ADCK1: variants seen among roughly 807,000 people sequenced by gnomAD.
The protein encoded by ADCK1 is aarF domain-containing protein kinase 1.
ADCK1 carries 41 observed loss-of-function variants against 52.3 expected under a neutral mutation model. The ratio of observed to expected loss-of-function variants is 0.78; its 90% CI spans 0.61 to 1.02. The LOEUF (loss-of-function observed/expected upper bound fraction) is 1.02, where lower values mean the gene tolerates loss of function less well. Among genes scored for constraint, ADCK1 ranks in the 50% least tolerant of loss-of-function variants. The probability of loss-of-function intolerance (pLI) is 0.00; values close to 1 mark genes in which losing one functional copy is unlikely to be tolerated. For missense variants in ADCK1, 658 were observed against 679.5 expected (o/e 0.97, Z 0.35); for synonymous variants, 250 against 274.6 (o/e 0.91, Z 0.89).
intron 1 of ADCK1, among the ~76,000 whole-genome samples, chr14:77,814,695 CAAAAAAA>C (rs995163952): frequency 1.4e-4 from 5 of 35,922 alleles, no homozygotes; most frequent in Non-Finnish European, 2.7e-4. Flanking sequence ...AAGACACTCT[CAAAAAAA>C]AAAAAAAAAA....
At chr14:77,804,388 A>T (rs2081174004) in intron 1 of ADCK1, among the ~76,000 whole-genome samples, 1 of 152,228 alleles carries the variant, frequency 6.6e-6, no homozygotes, top group South Asian at 2.1e-4. Context: ...TTTAGATGCC[A>T]TTCGGCTCCT....
chr14:77,801,516 T>C (rs1042182221), intron 1 of ADCK1, among the ~76,000 whole-genome samples: 2 of 152,256 alleles, frequency 1.3e-5, no homozygotes, highest in Admixed American at 1.3e-4. Flanking sequence ...TCTACCTTAT[T>C]GGGTCATTCT....
At chr14:77,858,895 C>T (rs545812747) in intron 3 of ADCK1, among the ~76,000 whole-genome samples, 181 bp from the exon 4 acceptor site, 1 of 152,036 alleles carries the variant, frequency 6.6e-6, no homozygotes, top group Admixed American at 6.5e-5. Flanking sequence ...TTGACTGCCC[C>T]GTGTACCAGG....
chr14:77,931,042 G>T (rs2084318145), intron 9 of ADCK1, among the ~76,000 whole-genome samples: 1 of 152,186 alleles, frequency 6.6e-6, no homozygotes, highest in Non-Finnish European at 1.5e-5. Context: ...TCTCATGCGA[G>T]GACAGTGGTA....
At chr14:77,880,356 G>C (rs2082995455) in intron 4 of ADCK1, among the ~76,000 whole-genome samples, 1 of 152,232 alleles carries the variant, frequency 6.6e-6, no homozygotes, top group South Asian at 2.1e-4. Context: ...AGGGCCTCAG[G>C]TTCTGCTGCT....
rs1242874503 is a variant in ADCK1 at position 77,933,424 on chromosome 14, C to G, written c.*33C>G. 6.2e-7 allele frequency: 1 copy of G among 1,607,586 alleles called. No individual in the cohort carries two copies. The highest frequency in any genetic ancestry group is 1.3e-5 in the African/African-American group (1 of 74,908). ...TGCTCTCCCTGCCCCATTCTGGTGT[C>G]TTTCCACTCCTCAGCCCCTCATCTT... On this transcript the variant is annotated 3_prime_UTR_variant, in exon 11 of 11. Coordinates refer to ENST00000238561, the MANE Select transcript of ADCK1 (RefSeq NM_020421.4).
chr14:77,833,306 G>A (rs1433589704), intron 3 of ADCK1, among the ~76,000 whole-genome samples: 2 of 152,188 alleles, frequency 1.3e-5, no homozygotes, highest in African/African-American at 4.8e-5. Context: ...ACCTGTCATG[G>A]AATCTTTTCA....
At chr14:77,916,246 C>G (rs1232045744) in intron 7 of ADCK1, among the ~76,000 whole-genome samples, 1 of 152,036 alleles carries the variant, frequency 6.6e-6, no homozygotes, top group Non-Finnish European at 1.5e-5. Flanking sequence ...CCCACCTGCT[C>G]TGGTATCTGG....
intron 3 of ADCK1, among the ~76,000 whole-genome samples, chr14:77,824,949 T>G (rs1177651141): frequency 6.6e-6 from 1 of 152,228 alleles, no homozygotes; most frequent in Non-Finnish European, 1.5e-5. Context: ...AAAGTGTTAT[T>G]TAATGGGAAA....
rs754872549 is a variant in ADCK1 at position 77,887,071 on chromosome 14, G to C, written c.424-20G>C. ...ACTGGGTCATCTTTTTCATTGCTCT[G>C]TTCTCTCCACTCCCGACAGATCCAT... On this transcript the variant is annotated intron_variant, in intron 4 of 10. Coordinates refer to ENST00000238561, the MANE Select transcript of ADCK1 (RefSeq NM_020421.4). The C allele has an allele frequency of 1.9e-6, 3 of 1,547,730 alleles. No individual in the cohort carries two copies. In the East Asian group the frequency reaches 7.0e-5, roughly 36 times the overall value.
At chr14:77,800,896 T>A (rs796708848) in intron 1 of ADCK1, among the ~76,000 whole-genome samples, 10 of 152,350 alleles carry the variant, frequency 6.6e-5, no homozygotes, top group African/African-American at 2.4e-4. Context: ...AGAGTTGAAG[T>A]GAATTAGACT....
chr14:77,917,036 T>A (rs2083941035), intron 7 of ADCK1, among the ~76,000 whole-genome samples: 1 of 152,198 alleles, frequency 6.6e-6, no homozygotes, highest in Admixed American at 6.5e-5. Context: ...CATCCCATCC[T>A]GGGCAACATA....
intron 10 of ADCK1, 35 bp from the exon 11 acceptor site, chr14:77,933,185 A>G: frequency 6.2e-7 from 1 of 1,601,654 alleles, no homozygotes; most frequent in Non-Finnish European, 8.5e-7. Flanking sequence ...TTGCCTCTTT[A>G]TCTCTTTTCT....
intron 3 of ADCK1, among the ~76,000 whole-genome samples, chr14:77,845,700 C>T (rs536329221): frequency 1.3e-5 from 2 of 152,280 alleles, no homozygotes; most frequent in African/African-American, 4.8e-5. Context: ...GCTGGGATTA[C>T]AGGCATGAGC....
At chr14:77,924,253 C>A in intron 7 of ADCK1, 1 of 633,446 alleles carries the variant, frequency 1.6e-6, no homozygotes, top group Non-Finnish European at 2.6e-6. Context: ...CACATGGTTT[C>A]ATGATTCTAA....
chr14:77,893,505 C>T (rs569292670), intron 5 of ADCK1, among the ~76,000 whole-genome samples: 1 of 152,214 alleles, frequency 6.6e-6, no homozygotes, highest in Admixed American at 6.5e-5. Flanking sequence ...AGGAATCTAA[C>T]TCATTGCCAA....
intron 4 of ADCK1, among the ~76,000 whole-genome samples, chr14:77,864,161 C>T (rs2140149332): frequency 6.6e-6 from 1 of 152,218 alleles, no homozygotes; most frequent in African/African-American, 2.4e-5. Context: ...CACCATCTGA[C>T]TGGAGTTTCA....
In ADCK1 at chr14:77,848,705, A is replaced by G. The variant is rs534568114; in HGVS notation, c.220-10371A>G. On this transcript the variant is annotated intron_variant, in intron 3 of 10. Coordinates refer to ENST00000238561, the MANE Select transcript of ADCK1 (RefSeq NM_020421.4). ...GATCTCCAACTCCTGACCTCAGGTG[A>G]TCCTCTCACCTCAGCCTCCAAAAGT... 5.5e-4 allele frequency among the ~76,000 whole-genome samples: 83 copies of G among 152,116 alleles called. No homozygotes were observed. In the South Asian group the frequency reaches 6.2e-3, roughly 11 times the overall value.
chr14:77,820,816 T>C (rs1302069254), intron 2 of ADCK1, among the ~76,000 whole-genome samples: 4 of 152,036 alleles, frequency 2.6e-5, no homozygotes, highest in Admixed American at 6.6e-5. Flanking sequence ...TGGAGTGCAG[T>C]GGTGTGATCT....
Sources: allele counts gnomAD v4.1 joint callset (sites outside exome capture counted in the v4.1 genomes callset), GRCh38; gene constraint gnomAD v4.1.1; transcripts MANE v1.5; gene names NCBI Gene and HGNC (gene_info 2026-07-23, HGNC 2026-07-21).